The following NRP2 variants were observed in gnomAD, a reference collection of about 807,000 sequenced individuals.
The protein encoded by NRP2 is neuropilin 2, also known as neuropilin-2.
In NRP2, 52 loss-of-function variants were observed where a neutral mutation model predicts 110.4. That is an observed-to-expected ratio of 0.47 (90% CI 0.38 to 0.59). NRP2 has a LOEUF of 0.59. Ranked by LOEUF, NRP2 falls within the 20% of genes least tolerant of loss-of-function variation. The probability of loss-of-function intolerance (pLI) is 0.00; values close to 1 mark genes in which losing one functional copy is unlikely to be tolerated. For synonymous variants in NRP2, 508 were observed against 468.9 expected, an observed-to-expected ratio of 1.08 and a Z score of -1.08; for missense variants, 1,049 against 1,203.0, an observed-to-expected ratio of 0.87 and a Z score of 1.89.
chr2:205,722,183 A>T (rs1269776807), intron 3 of NRP2: 1 of 444,858 alleles, frequency 2.2e-6, no homozygotes, highest in Non-Finnish European at 4.1e-6. Flanking sequence ...ACACACACAC[A>T]CACACACACA....
At chr2:205,708,253 A>C (rs2056724967) in intron 2 of NRP2, among the ~76,000 whole-genome samples, 1 of 152,096 alleles carries the variant, frequency 6.6e-6, no homozygotes, top group Non-Finnish European at 1.5e-5. Flanking sequence ...AAAGCCTTAA[A>C]CTTCACATTG....
intron 14 of NRP2, among the ~76,000 whole-genome samples, chr2:205,765,991 C>G (rs2057911870): frequency 6.6e-6 from 1 of 152,218 alleles, no homozygotes; most frequent in South Asian, 2.1e-4. Flanking sequence ...AGTGATAACA[C>G]AATTACCTGA....
intron 2 of NRP2, among the ~76,000 whole-genome samples, chr2:205,703,446 T>G (rs1433813875): frequency 6.6e-6 from 1 of 152,224 alleles, no homozygotes; most frequent in Admixed American, 6.5e-5. Flanking sequence ...TGAAGAAACT[T>G]GGGCTCAAAG....
rs2058351945 is a variant in NRP2 at position 205,796,382 on chromosome 2, A to C, written c.*1324A>C. 1 of 152,600 alleles carries C rather than the reference A, an allele frequency of 6.6e-6. No homozygotes were observed. Among genetic ancestry groups the C allele is most frequent in the Non-Finnish European group, 1.5e-5 (1 of 68,076 alleles). 9.5% of individuals were successfully genotyped at this position (152,600 alleles called of 1,614,324 possible). On this transcript the variant is annotated 3_prime_UTR_variant, in exon 17 of 17. Transcript: ENST00000357785. ...AACCATGCTGCTTCAGCCTTGAGAG[A>C]CCTAGGTTCTTACACATATGCACAC...
At chr2:205,765,431 A>T (rs1270310486) in intron 13 of NRP2, 43 bp from the exon 14 acceptor site, 1 of 1,535,884 alleles carries the variant, frequency 6.5e-7, no homozygotes, top group South Asian at 1.1e-5. Context: ...CGTTTGGACT[A>T]GGAGACTCAG....
At chr2:205,729,870 T>G (rs571276877) in intron 7 of NRP2, among the ~76,000 whole-genome samples, 26 of 152,292 alleles carry the variant, frequency 1.7e-4, no homozygotes, top group African/African-American at 6.3e-4. Flanking sequence ...GGATATATTC[T>G]CTCTCTTTTG....
chr2:205,784,563 G>A (rs2058214914), intron 15 of NRP2, among the ~76,000 whole-genome samples: 2 of 152,156 alleles, frequency 1.3e-5, no homozygotes, highest in African/African-American at 4.8e-5. Flanking sequence ...TGTGGCCTAA[G>A]AGGATGAGCC....
At chr2:205,765,964 T>G (rs575954018) in intron 14 of NRP2, among the ~76,000 whole-genome samples, 139 of 152,350 alleles carry the variant, frequency 9.1e-4, no homozygotes, top group African/African-American at 3.0e-3. Flanking sequence ...GCAAAAATAG[T>G]ACATATGTTA....
intron 15 of NRP2, among the ~76,000 whole-genome samples, chr2:205,788,517 C>A (rs773997337): frequency 1.3e-5 from 2 of 152,046 alleles, no homozygotes; most frequent in Admixed American, 6.6e-5. Flanking sequence ...GAGCCTGATA[C>A]GAATGAATGC....
intron 1 of NRP2, among the ~76,000 whole-genome samples, chr2:205,689,361 C>T (rs1018624834): frequency 3.9e-5 from 6 of 152,166 alleles, no homozygotes; most frequent in Non-Finnish European, 8.8e-5. Flanking sequence ...GTAACAATAC[C>T]TACTTCATAG....
Position 205,699,090 on chromosome 2 carries a change from C to T in NRP2, c.251+1369C>T, listed in dbSNP as rs117123804. 1.6e-4 allele frequency among the ~76,000 whole-genome samples: 24 copies of T among 152,320 alleles called. No individual in the cohort carries two copies. The East Asian group carries it at 4.4e-3, about 28-fold the overall frequency. ...AACCAAAGGGTTTCCCGGATGAATG[C>T]CTCATGTGACGAAGAGTCATAAGAT... is the stretch of plus-strand genomic sequence containing the variant. On this transcript the variant is annotated intron_variant, in intron 2 of 16. Coordinates refer to ENST00000357785, the MANE Select transcript of NRP2 (RefSeq NM_003872.3).
chr2:205,694,543 A>G (rs1575544261), intron 1 of NRP2, among the ~76,000 whole-genome samples: 1 of 152,250 alleles, frequency 6.6e-6, no homozygotes, highest in Non-Finnish European at 1.5e-5. Flanking sequence ...CAGCGGGCTC[A>G]GTAGCTCAAA....
At chr2:205,694,977 G>A (rs1316663547) in intron 1 of NRP2, among the ~76,000 whole-genome samples, 4 of 152,204 alleles carry the variant, frequency 2.6e-5, no homozygotes, top group African/African-American at 4.8e-5. Context: ...AGGTGTGAAC[G>A]TATGTATAGG....
intron 2 of NRP2, among the ~76,000 whole-genome samples, chr2:205,705,556 T>G (rs972472054): frequency 6.6e-6 from 1 of 152,228 alleles, no homozygotes; most frequent in African/African-American, 2.4e-5. Flanking sequence ...GACTCAACTG[T>G]ATGTTTGTGG....
intron 3 of NRP2, among the ~76,000 whole-genome samples, chr2:205,719,473 CAA>C (rs57461603): frequency 0.028 from 2,589 of 93,300 alleles, 66 homozygotes; most frequent in African/African-American, 0.086. Flanking sequence ...AGAACAGAAA[CAA>C]AAAAAAAAAA....
intron 15 of NRP2, chr2:205,767,043 T>C (rs2057934546): frequency 5.1e-6 from 3 of 586,684 alleles, no homozygotes; most frequent in Non-Finnish European, 9.0e-6. Context: ...TAGAGACAAA[T>C]AGGTTACAGA....
chr2:205,771,763 A>C (rs1049096490), intron 15 of NRP2, among the ~76,000 whole-genome samples: 1 of 152,252 alleles, frequency 6.6e-6, no homozygotes, highest in African/African-American at 2.4e-5. Context: ...GGAATCTGCA[A>C]ACTTGTTCTG....
chr2:205,709,858 G>A (rs960982963), intron 2 of NRP2, among the ~76,000 whole-genome samples: 4 of 152,080 alleles, frequency 2.6e-5, no homozygotes, highest in Admixed American at 6.5e-5. Context: ...CTCACTCCAT[G>A]GGCCATATGT....
intron 2 of NRP2, among the ~76,000 whole-genome samples, chr2:205,698,745 C>T (rs1420130493): frequency 6.6e-6 from 1 of 152,236 alleles, no homozygotes; most frequent in Non-Finnish European, 1.5e-5. Flanking sequence ...AAATGAGCGC[C>T]TACGGAATGC....
Sources: gnomAD v4.1 joint callset for allele counts (sites outside exome capture counted in the v4.1 genomes callset) on GRCh38, gnomAD v4.1.1 for gene constraint, MANE v1.5 for transcripts, NCBI Gene and HGNC (gene_info 2026-07-23, HGNC 2026-07-21) for gene names.